Variants in FBXL7 observed in about 807,000 individuals in gnomAD.
FBXL7 encodes F-box/LRR-repeat protein 7.
A neutral mutation model predicts 38.3 loss-of-function variants in FBXL7; 12 were observed. The ratio of observed to expected loss-of-function variants is 0.31; its 90% CI spans 0.20 to 0.51. FBXL7 has a LOEUF of 0.51. Among genes scored for constraint, FBXL7 ranks in the 20% least tolerant of loss-of-function variants. The pLI is 0.98. For missense variants in FBXL7, 567 were observed against 676.4 expected, an observed-to-expected ratio of 0.84 and a Z score of 1.79; for synonymous variants, 297 against 300.9, an observed-to-expected ratio of 0.99 and a Z score of 0.13.
intron 1 of FBXL7, among the ~76,000 whole-genome samples, chr5:15,572,002 A>G (rs189831559): frequency 1.2e-4 from 19 of 152,288 alleles, no homozygotes; most frequent in Admixed American, 1.1e-3. Flanking sequence ...AAGCAGGTCT[A>G]TTAATCTGTA....
intron 2 of FBXL7, among the ~76,000 whole-genome samples, chr5:15,841,193 G>T (rs1487612097): frequency 4.0e-5 from 6 of 151,666 alleles, no homozygotes; most frequent in Non-Finnish European, 7.4e-5. Context: ...TTTGCTGGTT[G>T]GTTTTTTTGG....
intron 1 of FBXL7, among the ~76,000 whole-genome samples, chr5:15,577,275 C>G (rs1261809693): frequency 2.0e-5 from 3 of 152,172 alleles, no homozygotes; most frequent in Non-Finnish European, 4.4e-5. Flanking sequence ...CGTTAATTAT[C>G]TACACCATGG....
intron 1 of FBXL7, among the ~76,000 whole-genome samples, chr5:15,553,800 A>C (rs944257267): frequency 6.6e-6 from 1 of 152,232 alleles, no homozygotes; most frequent in African/African-American, 2.4e-5. Context: ...GACTTGAACC[A>C]AGACGAAAAA....
rs553284681 is a variant in FBXL7 at position 15,541,702 on chromosome 5, G to A, written c.37+40989G>A. 2.3e-4 allele frequency among the ~76,000 whole-genome samples: 35 copies of A among 150,896 alleles called. No homozygotes were observed. The Middle Eastern group carries it at 0.01, about 45-fold the overall frequency. On this transcript the variant is annotated intron_variant, in intron 1 of 3. Transcript: ENST00000504595. Reference sequence around the variant, plus strand: ...TGGGATTACAGGCGCCCGCCACCACGCTTGGCTGATTTTTGTATTTTTAGT... The same window carrying A: ...TGGGATTACAGGCGCCCGCCACCACACTTGGCTGATTTTTGTATTTTTAGT...
intron 2 of FBXL7, among the ~76,000 whole-genome samples, chr5:15,851,324 T>G (rs16867788): frequency 3.6e-3 from 542 of 152,318 alleles, no homozygotes; most frequent in African/African-American, 0.013. Flanking sequence ...GAAGTGCAAG[T>G]TGAAAACAGA....
intron 2 of FBXL7, among the ~76,000 whole-genome samples, chr5:15,797,834 A>G (rs257777): frequency 0.58 from 87,793 of 152,014 alleles, 25,769 homozygotes; most frequent in Non-Finnish European, 0.64. Context: ...TTTTAAAAAT[A>G]TACGTTTATG....
intron 2 of FBXL7, among the ~76,000 whole-genome samples, chr5:15,892,269 G>T (rs149413641): frequency 1.0e-3 from 157 of 152,360 alleles, no homozygotes; most frequent in Admixed American, 1.6e-3. Flanking sequence ...TGAGCAAGAG[G>T]AAGGCATGTA....
At chr5:15,870,235 G>T (rs372145330) in intron 2 of FBXL7, among the ~76,000 whole-genome samples, 1 of 152,222 alleles carries the variant, frequency 6.6e-6, no homozygotes, top group African/African-American at 2.4e-5. Flanking sequence ...GGTGAGCCAG[G>T]GTTGAGTTTA....
At chr5:15,633,912 C>A (rs1312394816) in intron 2 of FBXL7, among the ~76,000 whole-genome samples, 2 of 151,898 alleles carry the variant, frequency 1.3e-5, no homozygotes, top group Non-Finnish European at 2.9e-5. Context: ...TCCCGAGTAC[C>A]TGGGATTACA....
chr5:15,538,935 TAG>T (rs1737661662), intron 1 of FBXL7, among the ~76,000 whole-genome samples: 1 of 152,174 alleles, frequency 6.6e-6, no homozygotes, highest in Non-Finnish European at 1.5e-5. Context: ...TGAAATAATG[TAG>T]ATGGAGGAGA....
At chr5:15,729,923 T>C (rs1182117134) in intron 2 of FBXL7, among the ~76,000 whole-genome samples, 1 of 152,194 alleles carries the variant, frequency 6.6e-6, no homozygotes, top group Non-Finnish European at 1.5e-5. Flanking sequence ...CCTAGTTAAA[T>C]CTGTCAGTTC....
intron 1 of FBXL7, among the ~76,000 whole-genome samples, chr5:15,608,811 C>CAT (rs1740122842): frequency 6.6e-6 from 1 of 152,120 alleles, no homozygotes; most frequent in African/African-American, 2.4e-5. Flanking sequence ...TTTAAAAAAT[C>CAT]ATATATATTC....
chr5:15,821,680 A>G (rs891297426), intron 2 of FBXL7, among the ~76,000 whole-genome samples: 1 of 152,204 alleles, frequency 6.6e-6, no homozygotes, highest in Non-Finnish European at 1.5e-5. Flanking sequence ...ACCACTATCC[A>G]TGGCTTACAC....
intron 2 of FBXL7, among the ~76,000 whole-genome samples, chr5:15,832,099 CCCGGA>C (rs2126774817): frequency 6.6e-6 from 1 of 152,276 alleles, no homozygotes; most frequent in Admixed American, 6.5e-5. Flanking sequence ...TCTGGGAAGT[CCCGGA>C]CCTTTCTAAT....
At chr5:15,854,768 A>G (rs144587183) in intron 2 of FBXL7, among the ~76,000 whole-genome samples, 77 of 152,172 alleles carry the variant, frequency 5.1e-4, no homozygotes, top group Admixed American at 9.8e-4. Flanking sequence ...ACAATTTCCC[A>G]TTGCATTAAG....
At chr5:15,766,674 T>A (rs1438085896) in intron 2 of FBXL7, among the ~76,000 whole-genome samples, 1 of 152,240 alleles carries the variant, frequency 6.6e-6, no homozygotes, top group East Asian at 1.9e-4. Context: ...TATTCTTCTT[T>A]AAAACATATT....
rs1740293137 is a variant in FBXL7 at position 15,878,241 on chromosome 5, A to C, written c.128-49649A>C. On this transcript the variant is annotated intron_variant, in intron 2 of 3. Coordinates refer to ENST00000504595, the MANE Select transcript of FBXL7 (RefSeq NM_012304.5). ...TCAGGGATTATAGAGGACTGAAGTT[A>C]CTTCTACAGTAGCTATAATGGAAGC... 2.0e-5 allele frequency among the ~76,000 whole-genome samples: 3 copies of C among 152,200 alleles called. No individual in the cohort carries two copies. In the South Asian group the frequency reaches 6.2e-4, roughly 32 times the overall value.
chr5:15,865,589 C>G (rs1048654520), intron 2 of FBXL7, among the ~76,000 whole-genome samples: 1 of 152,128 alleles, frequency 6.6e-6, no homozygotes, highest in Non-Finnish European at 1.5e-5. Context: ...ACCCTCTCTC[C>G]TAATCCCTTT....
intron 1 of FBXL7, among the ~76,000 whole-genome samples, chr5:15,525,834 C>G (rs1737236919): frequency 6.6e-6 from 1 of 152,162 alleles, no homozygotes; most frequent in Admixed American, 6.5e-5. Flanking sequence ...TGACTCACCT[C>G]TGAAAATGAG....
Sources: allele counts gnomAD v4.1 joint callset (sites outside exome capture counted in the v4.1 genomes callset), GRCh38; gene constraint gnomAD v4.1.1; transcripts MANE v1.5; gene names NCBI Gene and HGNC (gene_info 2026-07-23, HGNC 2026-07-21).